Variants in ADGRF5 observed in about 807,000 individuals in gnomAD.
The protein encoded by ADGRF5 is G-protein coupled receptor 116.
A neutral mutation model predicts 132.3 loss-of-function variants in ADGRF5; 75 were observed. The ratio of observed to expected loss-of-function variants is 0.57; its 90% CI spans 0.47 to 0.69. ADGRF5 has a LOEUF of 0.69. Ranked by LOEUF, ADGRF5 falls within the 30% of genes least tolerant of loss-of-function variation. ADGRF5 has a pLI of 0.00. For missense variants in ADGRF5, 1,516 were observed against 1,630.6 expected, an observed-to-expected ratio of 0.93 and a Z score of 1.21; for synonymous variants, 629 against 597.6, an observed-to-expected ratio of 1.05 and a Z score of -0.77.
intron 1 of ADGRF5, among the ~76,000 whole-genome samples, chr6:46,933,952 G>A (rs957510179): frequency 2.0e-5 from 3 of 152,178 alleles, no homozygotes; most frequent in Non-Finnish European, 2.9e-5. Context: ...TATTAAGGGA[G>A]GGAAAACCAC....
rs961469624 is a variant in ADGRF5, at chr6:46,895,738, T to A, written c.157+4291A>T. 3.3e-5 allele frequency among the ~76,000 whole-genome samples: 5 copies of A among 151,628 alleles called. 1 individual carries two copies. Among genetic ancestry groups the A allele is most frequent in the Non-Finnish European group, 7.4e-5 (5 of 67,952 alleles). On this transcript the variant is annotated intron_variant, in intron 3 of 20. Coordinates refer to ENST00000283296, the MANE Select transcript of ADGRF5 (RefSeq NM_001098518.2). ...AGCACCAGGCTCCAAGACACGCCCC[T>A]TCTGTCAGAAAGCTGGAGTGGAGAA...
chr6:46,885,924 ACTGT>A (rs1440807786), intron 4 of ADGRF5, among the ~76,000 whole-genome samples: 5 of 152,190 alleles, frequency 3.3e-5, no homozygotes, highest in African/African-American at 1.2e-4. Context: ...TCAGATAATA[ACTGT>A]TTGTTATTTT....
intron 1 of ADGRF5, among the ~76,000 whole-genome samples, chr6:46,935,557 GAAGAATTTGCCAC>G (rs1777778112): frequency 6.6e-6 from 1 of 152,130 alleles, no homozygotes; most frequent in Non-Finnish European, 1.5e-5. Context: ...GAGGGTAGAG[GAAGAATTTGCCAC>G]TATCAAATAA....
chr6:46,882,566 G>T (rs996987060), intron 6 of ADGRF5, among the ~76,000 whole-genome samples: 1 of 152,208 alleles, frequency 6.6e-6, no homozygotes, highest in Non-Finnish European at 1.5e-5. Flanking sequence ...AGCAGCAGCT[G>T]CAGCCCTTGC....
At chr6:46,898,417 A>C (rs1422787164) in intron 3 of ADGRF5, among the ~76,000 whole-genome samples, 1 of 152,172 alleles carries the variant, frequency 6.6e-6, no homozygotes, top group Non-Finnish European at 1.5e-5. Context: ...GGTTGTCGGG[A>C]TGGGGTAGAG....
At chr6:46,926,633 G>A (rs913832563), upstream of ADGRF5, among the ~76,000 whole-genome samples, 1 of 152,140 alleles carries the variant, frequency 6.6e-6, no homozygotes, top group African/African-American at 2.4e-5. Flanking sequence ...AGCTCTTAGA[G>A]ATGACATGCT....
intron 12 of ADGRF5, among the ~76,000 whole-genome samples, chr6:46,867,405 C>G (rs867623786): frequency 2.0e-5 from 3 of 152,154 alleles, no homozygotes; most frequent in Admixed American, 6.6e-5. Flanking sequence ...AGCCTGTTAG[C>G]GGCAAAATTG....
At chr6:46,879,664 C>T (rs546707088) in intron 9 of ADGRF5, among the ~76,000 whole-genome samples, 154 bp downstream of exon 9, 5 of 152,236 alleles carry the variant, frequency 3.3e-5, no homozygotes, top group East Asian at 1.9e-4. Context: ...TAATACATAT[C>T]GGATTAATTT....
intron 1 of ADGRF5, among the ~76,000 whole-genome samples, chr6:46,939,334 G>A (rs1457067721): frequency 6.6e-6 from 1 of 152,188 alleles, no homozygotes; most frequent in Non-Finnish European, 1.5e-5. Flanking sequence ...AGCTTAAGGA[G>A]GGCTCAAGGT....
chr6:46,881,128 A>G (rs535269684), intron 8 of ADGRF5, among the ~76,000 whole-genome samples: 1 of 152,250 alleles, frequency 6.6e-6, no homozygotes, highest in African/African-American at 2.4e-5. Flanking sequence ...ATGGCCCTCT[A>G]TTTCTTATTG....
At chr6:46,928,250 C>T (rs966991988) in intron 1 of ADGRF5, among the ~76,000 whole-genome samples, 2 of 152,142 alleles carry the variant, frequency 1.3e-5, no homozygotes, top group African/African-American at 4.8e-5. Context: ...TTATATTCTC[C>T]TGGCCTGGTC....
intron 4 of ADGRF5, among the ~76,000 whole-genome samples, chr6:46,886,214 T>C (rs1773056125): frequency 6.6e-6 from 1 of 152,200 alleles, no homozygotes; most frequent in Non-Finnish European, 1.5e-5. Flanking sequence ...CAAATAGTTG[T>C]TTCTGAAATA....
intron 1 of ADGRF5, among the ~76,000 whole-genome samples, chr6:46,942,343 G>T (rs1778123074): frequency 6.6e-6 from 1 of 152,198 alleles, no homozygotes; most frequent in Admixed American, 6.5e-5. Context: ...GAGTAGTCAG[G>T]TGCTTAATCT....
chr6:46,854,417 C>T (rs1488789037), intron 20 of ADGRF5, among the ~76,000 whole-genome samples: 1 of 152,142 alleles, frequency 6.6e-6, no homozygotes, highest in African/African-American at 2.4e-5. Context: ...CTCCCTGGTC[C>T]TCTTGGGTTG....
At chr6:46,925,806 A>G (rs554842497), upstream of ADGRF5, among the ~76,000 whole-genome samples, 16 of 152,370 alleles carry the variant, frequency 1.1e-4, no homozygotes, top group Non-Finnish European at 2.2e-4. Context: ...GTAACACACA[A>G]GCAAAATTAT....
chr6:46,891,710 T>C (rs1455687001), intron 3 of ADGRF5, among the ~76,000 whole-genome samples: 1 of 152,184 alleles, frequency 6.6e-6, no homozygotes, highest in African/African-American at 2.4e-5. Context: ...AGAAAGCACA[T>C]GGTGATTCAC....
At chr6:46,893,353 A>T (rs998154380) in intron 3 of ADGRF5, among the ~76,000 whole-genome samples, 6 of 152,084 alleles carry the variant, frequency 3.9e-5, no homozygotes, top group Non-Finnish European at 7.4e-5. Flanking sequence ...CAGAACATAG[A>T]GGCTGTGGCT....
intron 10 of ADGRF5, among the ~76,000 whole-genome samples, chr6:46,872,773 C>T (rs1771223247): frequency 6.6e-6 from 1 of 152,178 alleles, no homozygotes; most frequent in Non-Finnish European, 1.5e-5. Context: ...TACTCTCCCT[C>T]CTTCCACCTT....
In ADGRF5 at chr6:46,878,375, A is replaced by G; in HGVS notation, c.1067T>C (p.Ile356Thr). 6.2e-7 allele frequency: 1 copy of G among 1,610,094 alleles called. No individual in the cohort carries two copies. Among genetic ancestry groups the G allele is most frequent in the African/African-American group, 1.3e-5 (1 of 74,966 alleles). Residue 356 changes from isoleucine (I) to threonine (T), a missense_variant, in exon 10 of 21, where the codon ATT becomes ACT. Physicochemically the swap from Ile to Thr is moderately conservative, Grantham distance 89. Coordinates refer to ENST00000283296, the MANE Select transcript of ADGRF5 (RefSeq NM_001098518.2). ...GEYVCKLILD[I>T]FEYECKKKID... is the part of the protein sequence containing the mutation. ...TTTCTTCTTGCACTCATATTCAAAA[A>G]TGTCTAATATCAGTTTGCAAACATA...
Sources: gnomAD v4.1 joint callset for allele counts (sites outside exome capture counted in the v4.1 genomes callset) on GRCh38, gnomAD v4.1.1 for gene constraint, MANE v1.5 for transcripts, NCBI Gene and HGNC (gene_info 2026-07-23, HGNC 2026-07-21) for gene names.